The following MTCL1 variants were observed in gnomAD, a reference collection of about 807,000 sequenced individuals.
MTCL1 encodes microtubule crosslinking factor 1.
A neutral mutation model predicts 141.4 loss-of-function variants in MTCL1; 79 were observed. The ratio of observed to expected loss-of-function variants is 0.56; its 90% CI spans 0.47 to 0.67. The LOEUF is 0.67. Ranked by LOEUF, MTCL1 falls within the 30% of genes least tolerant of loss-of-function variation. The pLI, the probability that MTCL1 is intolerant of heterozygous loss-of-function variation, is 0.00. For missense variants in MTCL1, 2,177 were observed against 2,113.9 expected (o/e 1.03, Z -0.59); for synonymous variants, 914 against 875.8 (o/e 1.04, Z -0.77).
In MTCL1 at chr18:8,796,467, C is replaced by G; in HGVS notation, c.2241+5C>G. The G allele has an allele frequency of 6.2e-7, 1 of 1,613,996 alleles. No homozygotes were observed. On this transcript the variant is annotated splice_donor_5th_base_variant and intron_variant, in intron 9 of 16. Transcript: ENST00000359865. Reference sequence around the variant, plus strand: ...GAAGGAGAGGAGTTCACTGAGGTAACTCCACTGTCGAATTCCTTTTATTTG... The same window carrying G: ...GAAGGAGAGGAGTTCACTGAGGTAAGTCCACTGTCGAATTCCTTTTATTTG...
intron 4 of MTCL1, among the ~76,000 whole-genome samples, chr18:8,761,542 C>G (rs566589597): frequency 9.2e-5 from 14 of 152,284 alleles, no homozygotes; most frequent in African/African-American, 3.4e-4. Context: ...CTTTCTATCT[C>G]TATGAATTTG....
intron 11 of MTCL1, among the ~76,000 whole-genome samples, chr18:8,808,814 C>T (rs553435089): frequency 1.3e-5 from 2 of 152,328 alleles, no homozygotes; most frequent in East Asian, 1.9e-4. Flanking sequence ...AAGGGGTTCT[C>T]AGTGCAGTGG....
intron 4 of MTCL1, among the ~76,000 whole-genome samples, chr18:8,761,841 C>T (rs2096434281): frequency 6.6e-6 from 1 of 152,214 alleles, no homozygotes. Context: ...GATTCAATTA[C>T]CTCCCTCTGG....
chr18:8,805,164 A>T (rs910709194), intron 10 of MTCL1, among the ~76,000 whole-genome samples: 4 of 151,142 alleles, frequency 2.6e-5, no homozygotes, highest in African/African-American at 7.3e-5. Context: ...ATTATATGGT[A>T]TATTGCATGT....
Position 8,726,515 on chromosome 18 carries a change from G to T in MTCL1, c.357+6019G>T, listed in dbSNP as rs568524662. Among the ~76,000 whole-genome samples, 3 of 128,328 alleles carry T rather than the reference G, an allele frequency of 2.3e-5. No individual in the cohort carries two copies. The East Asian group carries it at 7.5e-4, about 32-fold the overall frequency. 84.2% of individuals were successfully genotyped at this position (128,328 alleles called of 152,430 possible). On this transcript the variant is annotated intron_variant, in intron 4 of 16. Transcript: ENST00000359865. ...AGAGAGCGCGCGCGCGCGCAAGAGC[G>T]AGCGAGAGAGAGCGAGTGCGCATGC...
chr18:8,795,486 T>C (rs1400530739), intron 8 of MTCL1, among the ~76,000 whole-genome samples: 1 of 152,260 alleles, frequency 6.6e-6, no homozygotes, highest in Non-Finnish European at 1.5e-5. Context: ...CTTTTTAGTA[T>C]TGATACACAA....
chr18:8,710,837 CT>C (rs59041416), intron 1 of MTCL1, among the ~76,000 whole-genome samples: 1,395 of 80,902 alleles, frequency 0.017, 20 homozygotes, highest in African/African-American at 0.052. Flanking sequence ...GGAAGGCTTT[CT>C]TTTTTTTTTT....
chr18:8,821,833 C>T (rs2076855721), intron 14 of MTCL1, among the ~76,000 whole-genome samples: 1 of 152,142 alleles, frequency 6.6e-6, no homozygotes, highest in Non-Finnish European at 1.5e-5. Flanking sequence ...TCTGGGAAAA[C>T]TCTCTTTTGT....
rs192412741 is a variant in MTCL1, at chr18:8,732,006, G to A, written c.357+11510G>A. On this transcript the variant is annotated intron_variant, in intron 4 of 16. Coordinates refer to ENST00000359865, the Ensembl canonical transcript of MTCL1. Reference sequence around the variant, plus strand: ...TTACAGGCGTGAGCCACTGTGTCCCGCCTCAAAATTTGTATTTGATTCTCT... The same window carrying A: ...TTACAGGCGTGAGCCACTGTGTCCCACCTCAAAATTTGTATTTGATTCTCT... Among the ~76,000 whole-genome samples, 295 of 152,290 alleles carry A rather than the reference G, an allele frequency of 1.9e-3. 4 individuals carry two copies. The highest frequency in any genetic ancestry group is 6.4e-3 in the African/African-American group (268 of 41,568).
At chr18:8,784,285 G>A (rs750704793) in exon 6 of MTCL1, 44 of 1,588,094 alleles carry the variant, frequency 2.8e-5, no homozygotes, top group East Asian at 1.6e-4. Flanking sequence ...AGAGTGATGC[G>A]GGCAAGAAGG....
chr18:8,788,980 G>C (rs1053245748), intron 7 of MTCL1, among the ~76,000 whole-genome samples: 3 of 152,218 alleles, frequency 2.0e-5, no homozygotes, highest in Non-Finnish European at 2.9e-5. Flanking sequence ...CATTTGTTAA[G>C]AGAGAGTGGT....
chr18:8,739,626 A>C (rs2096291358), intron 4 of MTCL1, among the ~76,000 whole-genome samples: 1 of 152,246 alleles, frequency 6.6e-6, no homozygotes, highest in Non-Finnish European at 1.5e-5. Context: ...CTGTGTGATC[A>C]TACAGCCTTC....
chr18:8,722,111 C>A (rs1447349901), intron 4 of MTCL1, among the ~76,000 whole-genome samples: 1 of 149,462 alleles, frequency 6.7e-6, no homozygotes, highest in Non-Finnish European at 1.5e-5. Context: ...ATTAAAGTAC[C>A]AGTTGCTGGT....
At chr18:8,799,573 G>T (rs2076045137) in intron 10 of MTCL1, among the ~76,000 whole-genome samples, 1 of 152,164 alleles carries the variant, frequency 6.6e-6, no homozygotes, top group South Asian at 2.1e-4. Context: ...ATGCTACTTT[G>T]CAAATAATGC....
intron 4 of MTCL1, among the ~76,000 whole-genome samples, chr18:8,770,195 G>T (rs1330352650): frequency 6.6e-6 from 1 of 152,204 alleles, no homozygotes; most frequent in Non-Finnish European, 1.5e-5. Flanking sequence ...TCCAAGTTTA[G>T]GGGATCTTGA....
At chr18:8,808,517 T>A (rs2144148585) in intron 11 of MTCL1, among the ~76,000 whole-genome samples, 1 of 152,208 alleles carries the variant, frequency 6.6e-6, no homozygotes, top group East Asian at 1.9e-4. Context: ...AGAAGCCAGG[T>A]GGTAATAGGT....
At chr18:8,768,266 G>A (rs78594542) in intron 4 of MTCL1, among the ~76,000 whole-genome samples, 1,690 of 152,238 alleles carry the variant, frequency 0.011, 40 homozygotes, top group African/African-American at 0.039. Flanking sequence ...GAAAATAAAT[G>A]GTAGATGCCT....
At position 8,718,658 on chromosome 18, in the gene MTCL1, G is replaced by A. The variant is rs1298463510; in HGVS notation, c.198+10G>A. 4.3e-6 allele frequency: 7 copies of A among 1,611,974 alleles called. No homozygotes were observed. Among genetic ancestry groups the A allele is most frequent in the Non-Finnish European group, 5.1e-6 (6 of 1,179,654 alleles). ...GGAGCAGGACTTGAAGGTGAGTGAG[G>A]GGGTGGTGCGTGCACCTCGCAAGGC... On this transcript the variant is annotated intron_variant, in intron 3 of 16. Coordinates refer to ENST00000359865, the Ensembl canonical transcript of MTCL1.
At chr18:8,811,045 G>T (rs1259887904) in intron 11 of MTCL1, 7 of 152,166 alleles carry the variant, frequency 4.6e-5, no homozygotes, top group African/African-American at 7.2e-5. Flanking sequence ...CCACTCAGCA[G>T]CCTGTCTTAG....
Sources: allele counts gnomAD v4.1 joint callset (sites outside exome capture counted in the v4.1 genomes callset), GRCh38; gene constraint gnomAD v4.1.1; transcripts MANE v1.5; gene names NCBI Gene and HGNC (gene_info 2026-07-23, HGNC 2026-07-21).